The following ARHGAP26 variants were observed in gnomAD, a reference collection of about 807,000 sequenced individuals.
ARHGAP26 encodes Rho GTPase activating protein 26.
In ARHGAP26, 38 loss-of-function variants were observed where a neutral mutation model predicts 104.8. The observed-to-expected ratio is 0.36, with a 90% CI of 0.28 to 0.48. The LOEUF is 0.48. Among genes scored for constraint, ARHGAP26 ranks in the 20% least tolerant of loss-of-function variants. ARHGAP26 has a pLI of 0.99. For missense variants in ARHGAP26, 704 were observed against 947.9 expected (o/e 0.74, Z 3.38); for synonymous variants, 341 against 340.0 (o/e 1.00, Z -0.03).
At chr5:143,135,876 G>C (rs188642899) in intron 19 of ARHGAP26, among the ~76,000 whole-genome samples, 1 of 152,280 alleles carries the variant, frequency 6.6e-6, no homozygotes, top group African/African-American at 2.4e-5. Flanking sequence ...TATCTGGCTG[G>C]GGTCATTCTC....
chr5:142,839,625 T>C (rs1470088040), intron 1 of ARHGAP26, among the ~76,000 whole-genome samples: 1 of 152,146 alleles, frequency 6.6e-6, no homozygotes, highest in African/African-American at 2.4e-5. Flanking sequence ...CTCATATAGG[T>C]AAAATAATCC....
intron 17 of ARHGAP26, among the ~76,000 whole-genome samples, chr5:143,060,695 C>T (rs1786570557): frequency 6.6e-6 from 1 of 151,776 alleles, no homozygotes; most frequent in South Asian, 2.1e-4. Flanking sequence ...GTTAGAATAA[C>T]CCGGGGCGCT....
At chr5:143,218,385 C>T (rs531323734) in intron 22 of ARHGAP26, among the ~76,000 whole-genome samples, 10 of 152,312 alleles carry the variant, frequency 6.6e-5, no homozygotes, top group African/African-American at 2.2e-4. Flanking sequence ...TGTGCAAGGA[C>T]CTAGCATGGT....
At chr5:143,060,504 G>C (rs1400737045) in intron 17 of ARHGAP26, among the ~76,000 whole-genome samples, 2 of 152,076 alleles carry the variant, frequency 1.3e-5, no homozygotes, top group East Asian at 3.8e-4. Context: ...ATGATTACCA[G>C]GGTACATCCA....
At chr5:143,077,373 G>A (rs2150412506) in intron 17 of ARHGAP26, among the ~76,000 whole-genome samples, 1 of 152,308 alleles carries the variant, frequency 6.6e-6, no homozygotes, top group Non-Finnish European at 1.5e-5. Context: ...TATCTTCATA[G>A]GATTACAGAT....
intron 1 of ARHGAP26, chr5:142,771,517 G>A: frequency 2.3e-6 from 2 of 874,814 alleles, no homozygotes; most frequent in Non-Finnish European, 3.0e-6. Flanking sequence ...CAGTACGTGC[G>A]CAGGTTCTGA....
At chr5:143,017,736 T>C (rs898098787) in intron 12 of ARHGAP26, among the ~76,000 whole-genome samples, 1 of 152,210 alleles carries the variant, frequency 6.6e-6, no homozygotes, top group South Asian at 2.1e-4. Context: ...TAATTTGTGG[T>C]ACACAGCACT....
chr5:143,183,469 G>T (rs1804695629), intron 20 of ARHGAP26, among the ~76,000 whole-genome samples: 1 of 152,138 alleles, frequency 6.6e-6, no homozygotes, highest in African/African-American at 2.4e-5. Flanking sequence ...TACTATTCTG[G>T]AAGAACACAA....
intron 1 of ARHGAP26, among the ~76,000 whole-genome samples, chr5:142,841,825 A>T (rs1453306886): frequency 6.6e-6 from 1 of 152,234 alleles, no homozygotes; most frequent in Non-Finnish European, 1.5e-5. Context: ...ACTTCTAGGA[A>T]CAGAAATCCA....
intron 1 of ARHGAP26, among the ~76,000 whole-genome samples, chr5:142,791,499 G>A (rs1341690599): frequency 1.3e-5 from 2 of 152,168 alleles, no homozygotes. Flanking sequence ...GGCTGGGCCA[G>A]TTGACTTTCG....
intron 20 of ARHGAP26, among the ~76,000 whole-genome samples, chr5:143,176,753 A>G: frequency 6.6e-6 from 1 of 152,318 alleles, no homozygotes; most frequent in South Asian, 2.1e-4. Flanking sequence ...AGAGGTCTAC[A>G]TTTGGCATTG....
At chr5:142,792,521 A>G (rs940937831) in intron 1 of ARHGAP26, among the ~76,000 whole-genome samples, 1 of 152,162 alleles carries the variant, frequency 6.6e-6, no homozygotes, top group African/African-American at 2.4e-5. Context: ...TAAGCACTAG[A>G]GACTTATTGA....
chr5:143,055,189 G>T (rs1003989734), intron 15 of ARHGAP26, among the ~76,000 whole-genome samples: 1 of 152,332 alleles, frequency 6.6e-6, no homozygotes, highest in East Asian at 1.9e-4. Context: ...ACCAAAAAAG[G>T]TGGGACCTAG....
At chr5:143,059,006 T>C (rs1288989866) in intron 17 of ARHGAP26, among the ~76,000 whole-genome samples, 1 of 152,208 alleles carries the variant, frequency 6.6e-6, no homozygotes, top group Non-Finnish European at 1.5e-5. Context: ...CGATGAAGCA[T>C]GTTTAAAATA....
intron 19 of ARHGAP26, among the ~76,000 whole-genome samples, chr5:143,142,871 A>G (rs12110264): frequency 0.043 from 6,521 of 152,272 alleles, 460 homozygotes; most frequent in African/African-American, 0.14. Context: ...AGTAGGAGAA[A>G]GTACACCTCT....
chr5:143,022,688 G>A (rs974051693), intron 12 of ARHGAP26, among the ~76,000 whole-genome samples: 48 of 152,194 alleles, frequency 3.2e-4, no homozygotes, highest in African/African-American at 1.1e-3. Flanking sequence ...AGTGTCACAC[G>A]ATGGGCTGCC....
intron 18 of ARHGAP26, among the ~76,000 whole-genome samples, chr5:143,124,817 C>G (rs754703751): frequency 7.2e-5 from 11 of 152,184 alleles, no homozygotes; most frequent in Non-Finnish European, 1.2e-4. Flanking sequence ...GATTGTTGAC[C>G]GTTATCTCTG....
intron 1 of ARHGAP26, among the ~76,000 whole-genome samples, chr5:142,795,646 C>T (rs1760832285): frequency 6.6e-6 from 1 of 152,182 alleles, no homozygotes; most frequent in African/African-American, 2.4e-5. Flanking sequence ...TCCACTTTTT[C>T]ATTACATTAC....
intron 1 of ARHGAP26, among the ~76,000 whole-genome samples, chr5:142,805,349 G>A (rs1287258014): frequency 2.0e-5 from 3 of 152,046 alleles, no homozygotes; most frequent in East Asian, 3.9e-4. Context: ...TGAACCACCC[G>A]TCTTTGCCTC....
Sources: allele counts gnomAD v4.1 joint callset (sites outside exome capture counted in the v4.1 genomes callset), GRCh38; gene constraint gnomAD v4.1.1; transcripts MANE v1.5; gene names NCBI Gene and HGNC (gene_info 2026-07-23, HGNC 2026-07-21).